The following UBE2K variants were observed in gnomAD, a reference collection of about 807,000 sequenced individuals.
UBE2K encodes ubiquitin conjugating enzyme E2 K.
A neutral mutation model predicts 30.0 loss-of-function variants in UBE2K; 6 were observed. The observed-to-expected ratio is 0.20, with a 90% CI of 0.11 to 0.39. The LOEUF is 0.39. Among genes scored for constraint, UBE2K ranks in the 10% least tolerant of loss-of-function variants. The pLI is 1.00. For missense variants in UBE2K, 61 were observed against 241.6 expected (o/e 0.25, Z 4.96); for synonymous variants, 86 against 83.7 (o/e 1.03, Z -0.15).
rs1721487101 is a variant in UBE2K, at chr4:39,755,637, A to C, written c.217-20A>C. On this transcript the variant is annotated intron_variant, in intron 3 of 6. Coordinates refer to ENST00000261427, the MANE Select transcript of UBE2K (RefSeq NM_005339.5). ...TTTTATTTCTGTTACTGAAAAACTC[A>C]AGTGTGCTTTATATTCTAGGTCCGG... The C allele has an allele frequency of 6.4e-7, 1 of 1,569,558 alleles. No individual in the cohort carries two copies. The highest frequency in any genetic ancestry group is 8.7e-7 in the Non-Finnish European group (1 of 1,146,868).
Position 39,780,001 on chromosome 4 carries a change from G to T in UBE2K, c.*1567G>T, listed in dbSNP as rs1008475666. ...TAAAAGAACCATTATTAAATATATT[G>T]TAATGTTAAAGATGTGAAGGTTCTT... On this transcript the variant is annotated 3_prime_UTR_variant, in exon 7 of 7. Coordinates refer to ENST00000261427, the MANE Select transcript of UBE2K (RefSeq NM_005339.5). The T allele has an allele frequency of 5.9e-5, 9 of 152,050 alleles. No individual in the cohort carries two copies. The highest frequency in any genetic ancestry group is 1.9e-4 in the African/African-American group (8 of 41,410). 9.4% of individuals were successfully genotyped at this position (152,050 alleles called of 1,614,324 possible). A position where few individuals can be genotyped will look rare whatever the true frequency, so the allele number is the denominator to read the frequency against.
At chr4:39,777,926 G>T in intron 6 of UBE2K, 116 bp downstream of exon 6, 1 of 975,744 alleles carries the variant, frequency 1.0e-6, no homozygotes, top group South Asian at 2.6e-5. Context: ...TGGGCAACAT[G>T]GCGAAACCCA....
chr4:39,758,978 A>G (rs1711680892), intron 4 of UBE2K, among the ~76,000 whole-genome samples: 1 of 152,180 alleles, frequency 6.6e-6, no homozygotes, highest in Non-Finnish European at 1.5e-5. Context: ...TACCAAAGAC[A>G]CATTAGATAA....
intron 1 of UBE2K, among the ~76,000 whole-genome samples, chr4:39,721,403 G>T (rs1411978636): frequency 6.6e-6 from 1 of 152,158 alleles, no homozygotes; most frequent in East Asian, 1.9e-4. Flanking sequence ...ACCCAGGCTG[G>T]AGTGCAGTGG....
At chr4:39,757,225 C>G (rs1711550194) in intron 4 of UBE2K, among the ~76,000 whole-genome samples, 1 of 151,908 alleles carries the variant, frequency 6.6e-6, no homozygotes, top group Non-Finnish European at 1.5e-5. Context: ...GAGGTTTCAC[C>G]ATGTTGGCCA....
chr4:39,735,495 C>T (rs182318854), intron 1 of UBE2K, among the ~76,000 whole-genome samples: 2 of 152,350 alleles, frequency 1.3e-5, no homozygotes, highest in Non-Finnish European at 1.5e-5. Flanking sequence ...ATTCTCCTGC[C>T]TCAGCCTCCC....
At chr4:39,712,376 T>A (rs1267756413) in intron 1 of UBE2K, among the ~76,000 whole-genome samples, 1 of 144,610 alleles carries the variant, frequency 6.9e-6, no homozygotes, top group Non-Finnish European at 1.5e-5. Flanking sequence ...CAATTTTTTT[T>A]TTTTTTTTTT....
intron 3 of UBE2K, among the ~76,000 whole-genome samples, chr4:39,753,927 C>T (rs906643952): frequency 6.6e-6 from 1 of 152,116 alleles, no homozygotes; most frequent in African/African-American, 2.4e-5. Flanking sequence ...TTGAGACCAG[C>T]CTGGCCAACA....
chr4:39,716,630 G>A (rs970758980), intron 1 of UBE2K, among the ~76,000 whole-genome samples: 1 of 152,316 alleles, frequency 6.6e-6, no homozygotes, highest in South Asian at 2.1e-4. Flanking sequence ...GACGGCTGAA[G>A]CAGGAGGATT....
intron 4 of UBE2K, among the ~76,000 whole-genome samples, chr4:39,769,392 C>CT (rs1712588773): frequency 6.6e-6 from 1 of 151,280 alleles, no homozygotes; most frequent in African/African-American, 2.4e-5. Context: ...TTCTAAGTGC[C>CT]TTACCCCCCC....
intron 3 of UBE2K, among the ~76,000 whole-genome samples, chr4:39,747,269 G>A (rs1000370957): frequency 6.6e-6 from 1 of 152,102 alleles, no homozygotes; most frequent in Admixed American, 6.5e-5. Flanking sequence ...TATTTACCTT[G>A]TTGTTTAACC....
rs1358742460 is a variant in UBE2K, at chr4:39,778,122, A to C, written c.529-238A>C. On this transcript the variant is annotated intron_variant, in intron 6 of 6. Transcript: ENST00000261427. ...CAAAAAAAAAAAAAAAAAAAAAAAA[A>C]AGGAAAATAAGAGAAAATCTAGTTT... Among the ~76,000 whole-genome samples, 6 of 150,598 alleles carry C rather than the reference A, an allele frequency of 4.0e-5. No individual in the cohort carries two copies. In the East Asian group the frequency reaches 9.7e-4, roughly 24 times the overall value.
Position 39,781,151 on chromosome 4 carries a change from T to C in UBE2K, c.*2717T>C, listed in dbSNP as rs1713587516. ...GTGGACCCAAATAAGTATTCAGTGG[T>C]ATATAAATATTTGAGGAACTAGGTA... On this transcript the variant is annotated 3_prime_UTR_variant, in exon 7 of 7. Coordinates refer to ENST00000261427, the MANE Select transcript of UBE2K (RefSeq NM_005339.5). The C allele has an allele frequency of 6.6e-6, 1 of 152,150 alleles. No individual in the cohort carries two copies. Among genetic ancestry groups the C allele is most frequent in the African/African-American group, 2.4e-5 (1 of 41,460 alleles). 9.4% of individuals were successfully genotyped at this position (152,150 alleles called of 1,614,324 possible).
intron 1 of UBE2K, among the ~76,000 whole-genome samples, chr4:39,730,341 G>T (rs1305785265): frequency 6.6e-6 from 1 of 151,538 alleles, no homozygotes; most frequent in East Asian, 1.9e-4. Context: ...CACGTTTTTT[G>T]TTTTTTTTGT....
chr4:39,760,196 A>AAAAAAG lies in UBE2K; in HGVS notation c.299+4462_299+4463insGAAAAA, dbSNP rs1560372510. ...TGTCACAAAAAAAAAAAAAAAACAG[A>AAAAAAG]AAAAAAAAAAAAAACAAATAATGTG... On this transcript the variant is annotated intron_variant, in intron 4 of 6. Transcript: ENST00000261427. Among the ~76,000 whole-genome samples, 48 of 7,900 alleles carry AAAAAAG rather than the reference A, an allele frequency of 6.1e-3. 2 individuals are homozygous for AAAAAAG. Among genetic ancestry groups the AAAAAAG allele is most frequent in the African/African-American group, 0.019 (43 of 2,262 alleles). The allele number at this position is 7,900 out of a possible 152,430, so 5.2% of individuals were successfully genotyped here.
rs869207095 is a variant in UBE2K at position 39,762,936 on chromosome 4, C to CTT, written c.299+7223_299+7224dup. Among the ~76,000 whole-genome samples the CTT allele has an allele frequency of 3.3e-3, 261 of 78,696 alleles. 12 individuals carry two copies. Among genetic ancestry groups the CTT allele is most frequent in the African/African-American group, 5.1e-3 (107 of 20,844 alleles). 51.6% of individuals were successfully genotyped at this position (78,696 alleles called of 152,430 possible). On this transcript the variant is annotated intron_variant, in intron 4 of 6. Transcript: ENST00000261427. Reference sequence around the variant, plus strand: ...GAGCCACGCACCCGGCCAAAAAACACTTTTTTTTTTTTTTTTTTTTTTTTT... The same window carrying CTT: ...GAGCCACGCACCCGGCCAAAAAACACTTTTTTTTTTTTTTTTTTTTTTTTTTT...
chr4:39,718,103 T>C (rs1346577703), intron 1 of UBE2K, among the ~76,000 whole-genome samples: 2 of 152,042 alleles, frequency 1.3e-5, no homozygotes, highest in Non-Finnish European at 2.9e-5. Context: ...AGGCAGCCTG[T>C]TTTTATTCTC....
intron 1 of UBE2K, among the ~76,000 whole-genome samples, chr4:39,702,675 T>C (rs1389665384): frequency 6.6e-6 from 1 of 152,186 alleles, no homozygotes; most frequent in African/African-American, 2.4e-5. Context: ...TGTGTCTATT[T>C]TCCTTTAAAA....
chr4:39,717,980 T>A (rs1458241891), intron 1 of UBE2K, among the ~76,000 whole-genome samples: 1 of 151,896 alleles, frequency 6.6e-6, no homozygotes, highest in Non-Finnish European at 1.5e-5. Flanking sequence ...TTACAGCTCA[T>A]AAAGGCAGTG....
Sources: gnomAD v4.1 joint callset for allele counts (sites outside exome capture counted in the v4.1 genomes callset) on GRCh38, gnomAD v4.1.1 for gene constraint, MANE v1.5 for transcripts, NCBI Gene and HGNC (gene_info 2026-07-23, HGNC 2026-07-21) for gene names.